TOR2A: variants seen among roughly 807,000 people sequenced by gnomAD.
TOR2A encodes the protein torsin family 2 member A.
A neutral mutation model predicts 28.6 loss-of-function variants in TOR2A; 24 were observed. That is an observed-to-expected ratio of 0.84 (90% confidence interval 0.61 to 1.18). The LOEUF (loss-of-function observed/expected upper bound fraction) is 1.18. TOR2A is among the 50% of genes most tolerant of loss of function. The pLI, the probability that TOR2A is intolerant of heterozygous loss-of-function variation, is 0.00. For missense variants in TOR2A, 426 were observed against 448.1 expected (o/e 0.95, Z 0.45); for synonymous variants, 203 against 203.1 (o/e 1.00, Z 0.00).
At chr9:127,732,407 CAG>C (rs1341132972) in intron 4 of TOR2A, 129 bp from the exon 5 acceptor site, 8 of 1,453,808 alleles carry the variant, frequency 5.5e-6, no homozygotes, top group South Asian at 1.4e-5. Flanking sequence ...GTGTAGGACT[CAG>C]GGGCTGTAAG....
chr9:127,735,232 C>T lies in TOR2A; in HGVS notation c.39G>A (p.Ser13=). Residue 13 remains serine, a synonymous_variant, in exon 1 of 5, where the codon TCG becomes TCA. Coordinates refer to ENST00000373284, the MANE Select transcript of TOR2A (RefSeq NM_001085347.3). ...AATRGCRPWG[S]LLGLLGLVSA... is the part of the protein sequence containing the mutation. ...AGACCAGCCCGAGCAGCCCGAGGAG[C>T]GAGCCCCAGGGCCGGCAGCCGCGCG... The T allele has an allele frequency of 6.9e-7, 1 of 1,455,972 alleles. No homozygotes were observed. Among genetic ancestry groups the T allele is most frequent in the Non-Finnish European group, 9.0e-7 (1 of 1,112,222 alleles). The allele number at this position is 1,455,972 out of a possible 1,614,324, so 90.2% of individuals were successfully genotyped here.
rs1844423905 is a variant in TOR2A, at chr9:127,731,669, G to A, written c.*365C>T. 1.2e-6 allele frequency: 1 copy of A among 853,138 alleles called. No homozygotes were observed. Among genetic ancestry groups the A allele is most frequent in the East Asian group, 3.0e-5 (1 of 33,860 alleles). 52.8% of individuals were successfully genotyped at this position (853,138 alleles called of 1,614,324 possible). ...GGCTTGATATGGACACAGGGTGTGG[G>A]GTGGAGGGGAGGAGGTATGGTGCCC... On this transcript the variant is annotated 3_prime_UTR_variant, in exon 5 of 5. Coordinates refer to ENST00000373284, the MANE Select transcript of TOR2A (RefSeq NM_001085347.3).
rs762402993 is a variant in TOR2A at position 127,734,329 on chromosome 9, G to T, written c.387C>A (p.Phe129Leu). Reference sequence around the variant, plus strand: ...AGCGCTCGATGTGGCTGGGGTGGGGGAAGTGGAGGACGGGAGAAAAGTGGT... The same window carrying T: ...AGCGCTCGATGTGGCTGGGGTGGGGTAAGTGGAGGACGGGAGAAAAGTGGT... Reference protein sequence around the residue: ...RVHHFSPVLHFPHPSHIERYK... With the variant: ...RVHHFSPVLHLPHPSHIERYK... The change falls in exon 2 of 5, where the codon TTC becomes TTA. Residue 129 changes from phenylalanine to leucine, a missense_variant. Transcript: ENST00000373284. 6.2e-7 allele frequency: 1 copy of T among 1,604,374 alleles called. No homozygotes were observed. The highest frequency in any genetic ancestry group is 1.3e-5 in the African/African-American group (1 of 74,886).
intron 1 of TOR2A, chr9:127,734,800 G>C: frequency 1.9e-6 from 1 of 531,648 alleles, no homozygotes; most frequent in Non-Finnish European, 3.1e-6. Flanking sequence ...CTAAATGCGA[G>C]CTGTCAACGG....
At chr9:127,732,374 C>A in intron 4 of TOR2A, 96 bp from the exon 5 acceptor site, 1 of 1,481,686 alleles carries the variant, frequency 6.7e-7, no homozygotes, top group East Asian at 2.4e-5. Flanking sequence ...ATGCTGGCCT[C>A]AGTTCCCTCA....
rs940816179 is a variant in TOR2A, at chr9:127,734,339, A to G, written c.377T>C (p.Val126Ala). Reference protein sequence around the residue: ...RSPRVHHFSPVLHFPHPSHIE... With the variant: ...RSPRVHHFSPALHFPHPSHIE... ...GTGGCTGGGGTGGGGGAAGTGGAGG[A>G]CGGGAGAAAAGTGGTGCACGCGGGG... Residue 126 changes from valine (V) to alanine (A), a missense_variant, in exon 2 of 5, where the codon GTC becomes GCC. Transcript: ENST00000373284. The G allele has an allele frequency of 2.5e-6, 4 of 1,607,340 alleles. No homozygotes were observed. Among genetic ancestry groups the G allele is most frequent in the East Asian group, 2.2e-5 (1 of 44,696 alleles).
rs751173186 is a variant in TOR2A at position 127,734,515 on chromosome 9, C to T, written c.201G>A (p.Lys67=). Residue 67 remains lysine, a synonymous_variant, in exon 2 of 5, where the codon AAG becomes AAA. Transcript: ENST00000373284. ...AQHLAGQHLA[K]ALVVKALKAF... ...CCTTCAGCGCCTTCACCACCAGCGC[C>T]TTGGCCAGATGCTGGCCGGCCAGGT... is the stretch of plus-strand genomic sequence containing the variant. 1 of 1,550,436 alleles carries T rather than the reference C, an allele frequency of 6.4e-7. No homozygotes were observed. Among genetic ancestry groups the T allele is most frequent in the East Asian group, 2.3e-5 (1 of 43,166 alleles).
intron 4 of TOR2A, 41 bp downstream of exon 4, chr9:127,732,523 G>T (rs1588473542): frequency 6.5e-7 from 1 of 1,546,142 alleles, no homozygotes. Context: ...CCTGGGTGTG[G>T]GGTGAAGCTG....
Position 127,733,386 on chromosome 9 carries a change from T to C in TOR2A, c.592A>G (p.Ser198Gly). The C allele has an allele frequency of 6.2e-7, 1 of 1,613,842 alleles. No homozygotes were observed. The highest frequency in any genetic ancestry group is 8.5e-7 in the Non-Finnish European group (1 of 1,180,016). The change falls in exon 3 of 5, where the codon AGC becomes GGC. Residue 198 changes from serine to glycine, a missense_variant and splice_region_variant. Coordinates refer to ENST00000373284, the MANE Select transcript of TOR2A (RefSeq NM_001085347.3). ...GCCCACTGCAAAGCCGGGCCCCACCTGATGAAGATGAAGATGGCTTTGCGG... is the reference window on the plus strand; with the variant it reads ...GCCCACTGCAAAGCCGGGCCCCACCCGATGAAGATGAAGATGGCTTTGCGG... ...NYRKAIFIFISNTGGKQINQV... is the reference protein window; with the variant it reads ...NYRKAIFIFIGNTGGKQINQV...
chr9:127,732,716 G>A (rs1844501382), intron 3 of TOR2A, 25 bp from the exon 4 acceptor site: 1 of 1,554,410 alleles, frequency 6.4e-7, no homozygotes, highest in African/African-American at 1.4e-5. Flanking sequence ...GACCCAGGCT[G>A]AGACTCAGAT....
At chr9:127,733,672 G>A (rs1844566208) in intron 2 of TOR2A, 112 bp from the exon 3 acceptor site, 3 of 993,244 alleles carry the variant, frequency 3.0e-6, no homozygotes, top group Non-Finnish European at 4.3e-6. Flanking sequence ...GTCTTCCAGA[G>A]AGCACCAACC....
Position 127,734,439 on chromosome 9 carries a change from C to G in TOR2A, c.277G>C (p.Gly93Arg). Residue 93 changes from glycine to arginine, a missense_variant, in exon 2 of 5, where the codon GGC becomes CGC. Gly to Arg is a moderately radical substitution (Grantham distance 125). Coordinates refer to ENST00000373284, the MANE Select transcript of TOR2A (RefSeq NM_001085347.3). Reference sequence around the variant, plus strand: ...TAGGATTTGCCGGTGCCGGTCCAGCCGTGCAGGGAGAGGACCAGCGGCTTG... The same window carrying G: ...TAGGATTTGCCGGTGCCGGTCCAGCGGTGCAGGGAGAGGACCAGCGGCTTG... ...PTKPLVLSLH[G>R]WTGTGKSYVS... 1 of 1,611,880 alleles carries G rather than the reference C, an allele frequency of 6.2e-7. No individual in the cohort carries two copies. The highest frequency in any genetic ancestry group is 8.5e-7 in the Non-Finnish European group (1 of 1,179,488).
rs767279719 is a variant in TOR2A at position 127,734,532 on chromosome 9, C to A, written c.184G>T (p.Gly62Cys). 8.5e-6 allele frequency: 13 copies of A among 1,530,292 alleles called. No individual in the cohort carries two copies. In the Admixed American group the frequency reaches 2.2e-4, roughly 26 times the overall value. The allele number at this position is 1,530,292 out of a possible 1,614,324, so 94.8% of individuals were successfully genotyped here. A position where few individuals can be genotyped will look rare whatever the true frequency, so the allele number is the denominator to read the frequency against. Residue 62 changes from glycine (G) to cysteine (C), a missense_variant, in exon 2 of 5, where the codon GGC becomes TGC. Physicochemically the swap from Gly to Cys is radical, Grantham distance 159. Coordinates refer to ENST00000373284, the MANE Select transcript of TOR2A (RefSeq NM_001085347.3). ...LECDLAQHLA[G>C]QHLAKALVVK... The stretch of plus-strand genomic sequence containing the variant: ...ACCAGCGCCTTGGCCAGATGCTGGC[C>A]GGCCAGGTGCTGAGCCAGGTCACAC...
rs199671418 is a variant in TOR2A, at chr9:127,732,596, A to T, written c.689T>A (p.Val230Asp). 929 of 1,588,962 alleles carry T rather than the reference A, an allele frequency of 5.8e-4. 1 individual carries two copies. The highest frequency in any genetic ancestry group is 5.1e-3 in the African/African-American group (384 of 74,818). ...GTTGTCCAGCACCGCGCGGGAGATG[A>T]CCGGCTCCAGCTCCTGCAGGAGGAT... ...EEILLQELEP[V>D]ISRAVLDNPH... The change falls in exon 4 of 5, where the codon GTC (valine) becomes GAC (aspartate). Residue 230 changes from valine (V) to aspartate (D), a missense_variant. Transcript: ENST00000373284.
rs1294675201 is a variant in TOR2A, at chr9:127,734,546, G to A, written c.170C>T (p.Ala57Val). 1 of 1,527,792 alleles carries A rather than the reference G, an allele frequency of 6.5e-7. No homozygotes were observed. Among genetic ancestry groups the A allele is most frequent in the African/African-American group, 1.4e-5 (1 of 72,112 alleles). 94.6% of individuals were successfully genotyped at this position (1,527,792 alleles called of 1,614,324 possible). A position where few individuals can be genotyped will look rare whatever the true frequency, so the allele number is the denominator to read the frequency against. The change falls in exon 2 of 5, where the codon GCT (alanine) becomes GTT (valine). Residue 57 changes from alanine (A) to valine (V), a missense_variant. Ala to Val is a moderately conservative substitution (Grantham distance 64, BLOSUM62 0). Coordinates refer to ENST00000373284, the MANE Select transcript of TOR2A (RefSeq NM_001085347.3). Reference protein sequence around the residue: ...PDLPGLECDLAQHLAGQHLAK... With the variant: ...PDLPGLECDLVQHLAGQHLAK... ...CAGATGCTGGCCGGCCAGGTGCTGAGCCAGGTCACACTCCAGACCTAGGGC... is the reference window on the plus strand; with the variant it reads ...CAGATGCTGGCCGGCCAGGTGCTGAACCAGGTCACACTCCAGACCTAGGGC...
At position 127,734,325 on chromosome 9, in the gene TOR2A, G is replaced by C. The variant is rs764335121; in HGVS notation, c.391C>G (p.His131Asp). 6 of 1,602,658 alleles carry C rather than the reference G, an allele frequency of 3.7e-6. No homozygotes were observed. The highest frequency in any genetic ancestry group is 5.1e-6 in the Non-Finnish European group (6 of 1,174,336). ...TTGTAGCGCTCGATGTGGCTGGGGT[G>C]GGGGAAGTGGAGGACGGGAGAAAAG... ...HHFSPVLHFPHPSHIERYKKD... is the reference protein window; with the variant it reads ...HHFSPVLHFPDPSHIERYKKD... The change falls in exon 2 of 5, where the codon CAC (histidine) becomes GAC (aspartate). Residue 131 changes from histidine (H) to aspartate (D), a missense_variant. His to Asp is a moderately conservative substitution (Grantham distance 81). Coordinates refer to ENST00000373284, the MANE Select transcript of TOR2A (RefSeq NM_001085347.3).
chr9:127,732,677 T>C lies in TOR2A; in HGVS notation c.608A>G (p.Lys203Arg), dbSNP rs1290171571. 6.4e-7 allele frequency: 1 copy of C among 1,567,012 alleles called. No homozygotes were observed. Among genetic ancestry groups the C allele is most frequent in the Non-Finnish European group, 8.6e-7 (1 of 1,156,394 alleles). ...IFIFISNTGG[K>R]QINQVALEAW... Reference sequence around the variant, plus strand: ...CTCCAATGCCACCTGGTTGATCTGCTTGCCACCCGTGTTGCTAAAACCATG... The same window carrying C: ...CTCCAATGCCACCTGGTTGATCTGCCTGCCACCCGTGTTGCTAAAACCATG... Residue 203 changes from lysine to arginine, a missense_variant, in exon 4 of 5, where the codon AAG (lysine) becomes AGG (arginine). Lys to Arg is a conservative substitution (Grantham distance 26). Coordinates refer to ENST00000373284, the MANE Select transcript of TOR2A (RefSeq NM_001085347.3).
intron 3 of TOR2A, chr9:127,733,089 T>C (rs1844527797): frequency 6.7e-7 from 1 of 1,484,688 alleles, no homozygotes; most frequent in Non-Finnish European, 8.9e-7. Context: ...TCTGTTCCTA[T>C]TTTTCCCAGG....
chr9:127,733,380 C>G lies in TOR2A; in HGVS notation c.593+5G>C, dbSNP rs762772139. On this transcript the variant is annotated splice_donor_5th_base_variant and intron_variant, in intron 3 of 4. Coordinates refer to ENST00000373284, the MANE Select transcript of TOR2A (RefSeq NM_001085347.3). ...CACTGTGCCCACTGCAAAGCCGGGC[C>G]CCACCTGATGAAGATGAAGATGGCT... 1.9e-6 allele frequency: 3 copies of G among 1,613,804 alleles called. No individual in the cohort carries two copies. Among genetic ancestry groups the G allele is most frequent in the Non-Finnish European group, 2.5e-6 (3 of 1,180,030 alleles).
Sources: gnomAD v4.1 joint callset for allele counts on GRCh38, gnomAD v4.1.1 for gene constraint, MANE v1.5 for transcripts, NCBI Gene and HGNC (gene_info 2026-07-23, HGNC 2026-07-21) for gene names.